The following ANKH variants were observed in gnomAD, a reference collection of about 807,000 sequenced individuals.
The protein encoded by ANKH is mineralization regulator ANKH.
In ANKH, 15 loss-of-function variants were observed where a neutral mutation model predicts 49.0. The ratio of observed to expected loss-of-function variants is 0.31; its 90% confidence interval spans 0.20 to 0.47. ANKH has a LOEUF of 0.47. Ranked by LOEUF, ANKH falls within the 20% of genes least tolerant of loss-of-function variation. The pLI, the probability that ANKH is intolerant of heterozygous loss-of-function variation, is 1.00. For missense variants in ANKH, 429 were observed against 652.0 expected (o/e 0.66, Z 3.72); for synonymous variants, 273 against 260.0 (o/e 1.05, Z -0.48).
chr5:14,707,643 G>GC lies in ANKH; in HGVS notation c.*3553dup, dbSNP rs1468390588. 2.0e-5 allele frequency: 3 copies of GC among 152,038 alleles called. No homozygotes were observed. The highest frequency in any genetic ancestry group is 6.6e-5 in the Admixed American group (1 of 15,262). The allele number at this position is 152,038 out of a possible 1,614,324, so 9.4% of individuals were successfully genotyped here. A position where few individuals can be genotyped will look rare whatever the true frequency, so the allele number is the denominator to read the frequency against. ...GAGCTCCCAGGCCTCCCCATCCTGG[G>GC]CCCCCCACCCCCTGCACCTCCCAAG... On this transcript the variant is annotated 3_prime_UTR_variant, in exon 12 of 12. Transcript: ENST00000284268.
At position 14,737,652 on chromosome 5, in the gene ANKH, C is replaced by G. The variant is rs933000123; in HGVS notation, c.1011+4175G>C. On this transcript the variant is annotated intron_variant, in intron 8 of 11. Coordinates refer to ENST00000284268, the MANE Select transcript of ANKH (RefSeq NM_054027.6). This position sits in a 1 kb window ranked among gnomAD's most constrained non-coding sequence, Gnocchi z 5.0. ...CGCAGTCTCCTTTGCGTGGCTGCAA[C>G]CCTGCACGCTTCCACGTGAAAGCAG... Among the ~76,000 whole-genome samples the G allele has an allele frequency of 6.6e-6, 1 of 152,242 alleles. No homozygotes were observed. Among genetic ancestry groups the G allele is most frequent in the Non-Finnish European group, 1.5e-5 (1 of 68,036 alleles).
intron 9 of ANKH, 70 bp downstream of exon 9, chr5:14,716,636 A>G: frequency 6.2e-7 from 1 of 1,601,022 alleles, no homozygotes; most frequent in South Asian, 1.1e-5. Context: ...AATTGCAAAC[A>G]TTTCCAAAGA....
intron 1 of ANKH, among the ~76,000 whole-genome samples, chr5:14,837,719 T>C (rs1254144218): frequency 6.6e-6 from 1 of 152,208 alleles, no homozygotes; most frequent in East Asian, 1.9e-4. Flanking sequence ...AGTGTGGCGA[T>C]TCCTCAGGGA....
At chr5:14,797,198 C>A (rs1740416799) in intron 1 of ANKH, 1 of 1,336,074 alleles carries the variant, frequency 7.5e-7, no homozygotes, top group African/African-American at 1.4e-5. Context: ...CCATTTGCCA[C>A]ACTTGCATGA....
chr5:14,795,103 A>AG (rs1740332405), intron 1 of ANKH, among the ~76,000 whole-genome samples: 1 of 152,216 alleles, frequency 6.6e-6, no homozygotes, highest in South Asian at 2.1e-4. Flanking sequence ...CATTGCAGGC[A>AG]GCTGCTCTTT....
At chr5:14,798,141 G>A in intron 1 of ANKH, 1 of 1,551,472 alleles carries the variant, frequency 6.4e-7, no homozygotes, top group Non-Finnish European at 8.9e-7. Flanking sequence ...ATCATCATCA[G>A]GCAGCTGCAC....
rs564392519 is a variant in ANKH, at chr5:14,760,643, A to C, written c.314-2045T>G. 2.7e-4 allele frequency among the ~76,000 whole-genome samples: 41 copies of C among 152,130 alleles called. 1 individual carries two copies. The highest frequency in any genetic ancestry group is 9.9e-4 in the African/African-American group (41 of 41,504). The stretch of plus-strand genomic sequence containing the variant: ...TGCCCACATTGCTGTCCCCACACCC[A>C]CCTCTCAGCTGAGGCCACTGGCAAT... On this transcript the variant is annotated intron_variant, in intron 2 of 11. Transcript: ENST00000284268.
At chr5:14,763,933 A>G (rs985000832) in intron 2 of ANKH, among the ~76,000 whole-genome samples, 1 of 152,122 alleles carries the variant, frequency 6.6e-6, no homozygotes, top group Non-Finnish European at 1.5e-5. Context: ...TACTAAAAAT[A>G]CAAAAATTAG....
intron 1 of ANKH, among the ~76,000 whole-genome samples, chr5:14,800,923 G>C (rs1271131725): frequency 6.6e-6 from 1 of 151,078 alleles, no homozygotes; most frequent in African/African-American, 2.4e-5. Flanking sequence ...ATGAGGTCTT[G>C]GCATGATGCC....
chr5:14,720,151 T>G (rs1737615274), intron 8 of ANKH, among the ~76,000 whole-genome samples: 2 of 152,224 alleles, frequency 1.3e-5, no homozygotes, highest in African/African-American at 4.8e-5. Context: ...TATGTTTTGC[T>G]TTGTAAGTGC....
intron 8 of ANKH, among the ~76,000 whole-genome samples, chr5:14,731,401 AAG>A (rs1356325897): frequency 6.6e-6 from 1 of 152,194 alleles, no homozygotes; most frequent in Non-Finnish European, 1.5e-5. Flanking sequence ...GATCAAGAAA[AAG>A]AGCTGTAAAA....
rs1167087849 is a variant in ANKH at position 14,737,994 on chromosome 5, G to A, written c.1011+3833C>T. Among the ~76,000 whole-genome samples, 2 of 152,136 alleles carry A rather than the reference G, an allele frequency of 1.3e-5. No homozygotes were observed. Among genetic ancestry groups the A allele is most frequent in the Non-Finnish European group, 2.9e-5 (2 of 68,042 alleles). On this transcript the variant is annotated intron_variant, in intron 8 of 11. Coordinates refer to ENST00000284268, the MANE Select transcript of ANKH (RefSeq NM_054027.6). The surrounding 1 kb of genome is among the most constrained non-coding windows in gnomAD (Gnocchi z 5.0). ...GAAGGACTGAAAGCAAGATGCTAAC[G>A]GAAATGGCGAACATTTCCATTTTCC...
chr5:14,766,824 C>T (rs1236425582), intron 2 of ANKH, among the ~76,000 whole-genome samples: 1 of 152,200 alleles, frequency 6.6e-6, no homozygotes, highest in Non-Finnish European at 1.5e-5. Flanking sequence ...TCAATATCAG[C>T]CCAAGCAAAT....
chr5:14,836,182 G>T (rs1741647387), intron 1 of ANKH, among the ~76,000 whole-genome samples: 1 of 152,108 alleles, frequency 6.6e-6, no homozygotes, highest in Non-Finnish European at 1.5e-5. Flanking sequence ...GCAAAAACTG[G>T]AAGCATTCCC....
intron 1 of ANKH, among the ~76,000 whole-genome samples, chr5:14,782,598 T>C (rs930977255): frequency 1.1e-4 from 17 of 152,206 alleles, no homozygotes; most frequent in African/African-American, 3.6e-4. Context: ...CTAAAGACTA[T>C]CTTTACAAAA....
At chr5:14,815,369 T>C (rs10064537) in intron 1 of ANKH, among the ~76,000 whole-genome samples, 2,291 of 152,338 alleles carry the variant, frequency 0.015, 47 homozygotes, top group African/African-American at 0.053. Context: ...TCTGTCTGTA[T>C]GCATGTGAGT....
chr5:14,753,119 A>G (rs1738772717), intron 4 of ANKH, among the ~76,000 whole-genome samples: 1 of 152,114 alleles, frequency 6.6e-6, no homozygotes, highest in Middle Eastern at 3.2e-3. Context: ...CTCCCCTACA[A>G]TGAGAAGAGA....
At chr5:14,812,661 C>G (rs1309219631) in intron 1 of ANKH, among the ~76,000 whole-genome samples, 1 of 152,206 alleles carries the variant, frequency 6.6e-6, no homozygotes, top group African/African-American at 2.4e-5. Flanking sequence ...CCCCTGATAT[C>G]TGATCACCCT....
chr5:14,717,794 A>G (rs1210714878), intron 8 of ANKH, among the ~76,000 whole-genome samples: 1 of 152,186 alleles, frequency 6.6e-6, no homozygotes, highest in Non-Finnish European at 1.5e-5. Flanking sequence ...TTTTTGCATT[A>G]TACTTACAGG....
Sources: gnomAD v4.1 joint callset for allele counts (sites outside exome capture counted in the v4.1 genomes callset) on GRCh38, gnomAD v4.1.1 for gene constraint, Gnocchi (gnomAD v3.1) non-coding constraint, MANE v1.5 for transcripts, NCBI Gene and HGNC (gene_info 2026-07-23, HGNC 2026-07-21) for gene names.